Variants in DMXL1 observed in about 807,000 individuals in gnomAD.
DMXL1 encodes Dmx like 1.
Under a neutral mutation model 319.2 loss-of-function variants are expected in DMXL1, and 99 were observed. The observed-to-expected ratio is 0.31, with a 90% CI of 0.26 to 0.37. The LOEUF (loss-of-function observed/expected upper bound fraction) is 0.37, where lower values mean the gene tolerates loss of function less well. DMXL1 is among the 10% of genes least tolerant of loss of function. The probability of loss-of-function intolerance (pLI) is 1.00; values close to 1 mark genes in which losing one functional copy is unlikely to be tolerated. For missense variants in DMXL1, 3,745 were observed against 3,595.6 expected, an observed-to-expected ratio of 1.04 and a Z score of -1.06; for synonymous variants, 1,385 against 1,235.2, an observed-to-expected ratio of 1.12 and a Z score of -2.54.
At chr5:119,204,956 T>C (rs1046875672) in intron 33 of DMXL1, among the ~76,000 whole-genome samples, 1 of 152,192 alleles carries the variant, frequency 6.6e-6, no homozygotes, top group Admixed American at 6.5e-5. Flanking sequence ...GTCTCTCAAT[T>C]TAAGCACCAA....
chr5:119,185,015 A>C (rs1777450048), intron 28 of DMXL1, among the ~76,000 whole-genome samples: 1 of 152,138 alleles, frequency 6.6e-6, no homozygotes, highest in Non-Finnish European at 1.5e-5. Context: ...CCAAATTCTC[A>C]ATATATGTAT....
At chr5:119,197,673 C>T in intron 31 of DMXL1, 82 bp from the exon 32 acceptor site, 1 of 1,270,218 alleles carries the variant, frequency 7.9e-7, no homozygotes, top group Middle Eastern at 1.9e-4. Context: ...TCTGCTCTCC[C>T]CTCTCTCATT....
intron 43 of DMXL1, among the ~76,000 whole-genome samples, chr5:119,246,432 A>G (rs756964312): frequency 1.3e-5 from 2 of 152,120 alleles, no homozygotes; most frequent in African/African-American, 2.4e-5. Flanking sequence ...CTTGTTACCT[A>G]CATTGTTTCT....
At chr5:119,173,704 A>G (rs1161505459) in intron 25 of DMXL1, among the ~76,000 whole-genome samples, 24 of 127,094 alleles carry the variant, frequency 1.9e-4, no homozygotes, top group African/African-American at 3.9e-4. Flanking sequence ...GTGTGTATAT[A>G]TATATGTGTG....
intron 5 of DMXL1, among the ~76,000 whole-genome samples, chr5:119,110,821 A>G (rs1036417734): frequency 9.2e-5 from 14 of 152,218 alleles, no homozygotes; most frequent in Non-Finnish European, 2.1e-4. Flanking sequence ...CAGACAGATT[A>G]GGATCCAGGA....
intron 17 of DMXL1, chr5:119,147,721 G>A (rs1397937722): frequency 2.6e-6 from 1 of 385,568 alleles, no homozygotes; most frequent in Non-Finnish European, 4.6e-6. Flanking sequence ...GGAAGACAAA[G>A]GGACAGTTTC....
rs879247060 is a variant in DMXL1, at chr5:119,170,631, C to T, written c.5840C>T (p.Thr1947Ile). 2 of 1,613,748 alleles carry T rather than the reference C, an allele frequency of 1.2e-6. No individual in the cohort carries two copies. Among genetic ancestry groups the T allele is most frequent in the South Asian group, 1.1e-5 (1 of 91,050 alleles). The part of the protein sequence containing the change: ...EGSSEKQSNS[T>I]LSFDWSQPSV... ...TCCTCAGAGAAGCAATCAAACTCCA[C>T]TCTTTCTTTTGACTGGAGCCAACCA... The change falls in exon 24 of 44, where the codon ACT becomes ATT. Residue 1947 changes from threonine to isoleucine, a missense_variant. Coordinates refer to ENST00000539542, the MANE Select transcript of DMXL1 (RefSeq NM_001290321.3).
intron 2 of DMXL1, among the ~76,000 whole-genome samples, chr5:119,099,679 G>A (rs1479021020): frequency 6.6e-6 from 1 of 152,062 alleles, no homozygotes; most frequent in Non-Finnish European, 1.5e-5. Flanking sequence ...ATCTTTTTGT[G>A]ATAGACTATA....
intron 5 of DMXL1, among the ~76,000 whole-genome samples, chr5:119,112,767 G>A (rs1251344458): frequency 2.0e-5 from 3 of 152,068 alleles, no homozygotes; most frequent in Non-Finnish European, 4.4e-5. Context: ...GACCAGCCTG[G>A]CCACCATGGC....
intron 22 of DMXL1, 54 bp from the exon 23 acceptor site, chr5:119,167,549 A>T: frequency 1.4e-6 from 2 of 1,424,290 alleles, no homozygotes; most frequent in Non-Finnish European, 9.5e-7. Context: ...AACAGAATTT[A>T]TCCTAAAATG....
At chr5:119,173,696 GTGTATATA>G (rs1775086156) in intron 25 of DMXL1, among the ~76,000 whole-genome samples, 1 of 141,306 alleles carries the variant, frequency 7.1e-6, no homozygotes, top group Non-Finnish European at 1.5e-5. Flanking sequence ...GTGTGTGTGT[GTGTATATA>G]TATATGTGTG....
intron 1 of DMXL1, among the ~76,000 whole-genome samples, chr5:119,073,520 T>C (rs2149651270): frequency 6.6e-6 from 1 of 152,302 alleles, no homozygotes; most frequent in East Asian, 1.9e-4. Context: ...GATCAGTTAA[T>C]GTGCCGAGGA....
chr5:119,197,625 T>G, intron 31 of DMXL1, 130 bp from the exon 32 acceptor site: 1 of 820,590 alleles, frequency 1.2e-6, no homozygotes, highest in Non-Finnish European at 1.9e-6. Flanking sequence ...CCAAAGTGTA[T>G]GTTAATATTT....
chr5:119,235,498 A>G (rs754975592), intron 39 of DMXL1, among the ~76,000 whole-genome samples: 21 of 152,158 alleles, frequency 1.4e-4, no homozygotes, highest in Admixed American at 9.8e-4. Flanking sequence ...TCCCATAATG[A>G]TGATAATTTA....
intron 35 of DMXL1, among the ~76,000 whole-genome samples, chr5:119,217,724 A>G (rs1783928783): frequency 6.6e-6 from 1 of 152,180 alleles, no homozygotes; most frequent in South Asian, 2.1e-4. Flanking sequence ...TAATTGTTAA[A>G]TGTTATGTAG....
In DMXL1 at chr5:119,181,561, C is replaced by T. The variant is rs539444279; in HGVS notation, c.7135+3317C>T. On this transcript the variant is annotated intron_variant, in intron 28 of 43. Transcript: ENST00000539542. ...GGAGGGCTGGATGTGGTGGCTCACA[C>T]CTGTAATCCCAGCATTTTGGGAGGC... 3.3e-5 allele frequency among the ~76,000 whole-genome samples: 5 copies of T among 152,328 alleles called. No individual in the cohort carries two copies. The South Asian group carries it at 8.3e-4, about 25-fold the overall frequency.
chr5:119,182,534 A>G (rs1361586011), intron 28 of DMXL1, among the ~76,000 whole-genome samples: 1 of 152,262 alleles, frequency 6.6e-6, no homozygotes, highest in South Asian at 2.1e-4. Context: ...TTTTCTTTGC[A>G]ATGATGGCCT....
intron 9 of DMXL1, among the ~76,000 whole-genome samples, chr5:119,123,340 AGAGGGAGAG>A (rs1415787244): frequency 3.3e-4 from 38 of 116,272 alleles, no homozygotes; most frequent in South Asian, 9.9e-4. Flanking sequence ...GAGAGGAGGG[AGAGGGAGAG>A]GAGGGAGAGG....
At chr5:119,089,472 A>T (rs1303320321) in intron 1 of DMXL1, among the ~76,000 whole-genome samples, 1 of 148,636 alleles carries the variant, frequency 6.7e-6, no homozygotes, top group East Asian at 2.0e-4. Flanking sequence ...CACCCTGCTC[A>T]TTTTTGTATT....
Sources: gnomAD v4.1 joint callset for allele counts (sites outside exome capture counted in the v4.1 genomes callset) on GRCh38, gnomAD v4.1.1 for gene constraint, MANE v1.5 for transcripts, NCBI Gene and HGNC (gene_info 2026-07-23, HGNC 2026-07-21) for gene names.